Variants in EXOSC4 observed in about 807,000 individuals in gnomAD.
The protein encoded by EXOSC4 is exosome complex component RRP41.
A neutral mutation model predicts 20.0 loss-of-function variants in EXOSC4; 14 were observed. The ratio of observed to expected loss-of-function variants is 0.70; its 90% CI spans 0.46 to 1.09. EXOSC4 has a LOEUF of 1.09. EXOSC4 is among the 50% of genes least tolerant of loss of function. EXOSC4 has a pLI of 0.00. For missense variants in EXOSC4, 337 were observed against 334.0 expected (o/e 1.01, Z -0.07); for synonymous variants, 148 against 146.4 (o/e 1.01, Z -0.08).
At chr8:144,079,727 G>A (rs868995100) in intron 1 of EXOSC4, 7 of 695,698 alleles carry the variant, frequency 1.0e-5, no homozygotes, top group Middle Eastern at 4.6e-4. Context: ...GGGTTGGCAG[G>A]GAATGGGGCA....
the EXOSC4 span, among the ~76,000 whole-genome samples, chr8:144,069,769 T>A: frequency 6.6e-6 from 1 of 152,168 alleles, no homozygotes; most frequent in Non-Finnish European, 1.5e-5. Context: ...CACACATCCA[T>A]CAGCAAAGGA....
At chr8:144,075,251 G>A (rs1196536459), upstream of EXOSC4, among the ~76,000 whole-genome samples, 1 of 147,152 alleles carries the variant, frequency 6.8e-6, no homozygotes, top group Non-Finnish European at 1.5e-5. Flanking sequence ...TTTTGAGACA[G>A]AGTCTCGCTC....
rs1835883899 is a variant in EXOSC4, at chr8:144,080,199, T to G, written c.379-43T>G. The G allele has an allele frequency of 5.0e-6, 8 of 1,608,370 alleles. No individual in the cohort carries two copies. The African/African-American group carries it at 9.4e-5, about 19-fold the overall frequency. On this transcript the variant is annotated intron_variant, in intron 2 of 2. Transcript: ENST00000316052. This position sits in a 1 kb window ranked among gnomAD's most constrained non-coding sequence, Gnocchi z 4.9. ...CAGGGAGGGAAGGGTGTGATGGGGTTGGGGAGGGAGTCTGATAGACTGACA... is the reference window on the plus strand; with the variant it reads ...CAGGGAGGGAAGGGTGTGATGGGGTGGGGGAGGGAGTCTGATAGACTGACA...
chr8:144,071,836 T>C, the EXOSC4 span, among the ~76,000 whole-genome samples: 6 of 151,784 alleles, frequency 4.0e-5, no homozygotes, highest in South Asian at 1.3e-3. Flanking sequence ...AAAAATTATC[T>C]GGGGGTGGTG....
At chr8:144,079,461 G>A (rs1471726965) in intron 1 of EXOSC4, 2 of 326,052 alleles carry the variant, frequency 6.1e-6, no homozygotes, top group Non-Finnish European at 1.2e-5. Context: ...CTTTCCAGGC[G>A]GAGGGAACCA....
chr8:144,080,447 A>T lies in EXOSC4; in HGVS notation c.584A>T (p.Gln195Leu). Residue 195 changes from glutamine to leucine, a missense_variant, in exon 3 of 3, where the codon CAG becomes CTG. By Grantham distance (113) the Gln-to-Leu change is moderately radical. Transcript: ENST00000316052. The surrounding 1 kb of genome is among the most constrained non-coding windows in gnomAD (Gnocchi z 4.9). ...LALALLPASGQIALLEMDARL... is the reference protein window; with the variant it reads ...LALALLPASGLIALLEMDARL... ...CTGGCCCTGCTGCCAGCCTCAGGAC[A>T]GATTGCGCTGCTTGAGATGGATGCC... 1 of 1,609,854 alleles carries T rather than the reference A, an allele frequency of 6.2e-7. No homozygotes were observed. The highest frequency in any genetic ancestry group is 1.3e-5 in the African/African-American group (1 of 75,032).
upstream of EXOSC4, among the ~76,000 whole-genome samples, chr8:144,075,870 A>G (rs192900367): frequency 6.6e-6 from 1 of 152,298 alleles, no homozygotes; most frequent in East Asian, 1.9e-4. Context: ...TTTTCTCACT[A>G]TTCACTTAGT....
the EXOSC4 span, among the ~76,000 whole-genome samples, chr8:144,066,927 A>T: frequency 6.6e-6 from 1 of 152,018 alleles, no homozygotes; most frequent in Non-Finnish European, 1.5e-5. Context: ...GTCTCTATTA[A>T]AAATACAAAA....
At chr8:144,071,542 C>T in the EXOSC4 span, among the ~76,000 whole-genome samples, 1 of 149,004 alleles carries the variant, frequency 6.7e-6, no homozygotes, top group South Asian at 2.1e-4. Flanking sequence ...CCTGACCTCC[C>T]GCCTTGGCCT....
At chr8:144,064,243 G>GCT in the EXOSC4 span, among the ~76,000 whole-genome samples, 1 of 152,250 alleles carries the variant, frequency 6.6e-6, no homozygotes, top group Non-Finnish European at 1.5e-5. Flanking sequence ...GTGTCGTGGG[G>GCT]GAAGGGATAT....
rs1554763339 is a variant in EXOSC4 at position 144,080,446 on chromosome 8, C to G, written c.583C>G (p.Gln195Glu). Residue 195 changes from glutamine (Q) to glutamate (E), a missense_variant, in exon 3 of 3, where the codon CAG becomes GAG. Transcript: ENST00000316052. This position sits in a 1 kb window ranked among gnomAD's most constrained non-coding sequence, Gnocchi z 4.9. ...LALALLPASG[Q>E]IALLEMDARL... Reference sequence around the variant, plus strand: ...CCTGGCCCTGCTGCCAGCCTCAGGACAGATTGCGCTGCTTGAGATGGATGC... The same window carrying G: ...CCTGGCCCTGCTGCCAGCCTCAGGAGAGATTGCGCTGCTTGAGATGGATGC... 6 of 1,609,754 alleles carry G rather than the reference C, an allele frequency of 3.7e-6. No homozygotes were observed. Among genetic ancestry groups the G allele is most frequent in the African/African-American group, 1.3e-5 (1 of 74,934 alleles).
chr8:144,071,334 C>G, the EXOSC4 span, among the ~76,000 whole-genome samples: 3 of 138,956 alleles, frequency 2.2e-5, no homozygotes, highest in African/African-American at 8.2e-5. Context: ...CCTCTCCTCT[C>G]CTTTCCTTTC....
chr8:144,066,436 C>CTTTTT, the EXOSC4 span, among the ~76,000 whole-genome samples: 5 of 98,074 alleles, frequency 5.1e-5, no homozygotes, highest in East Asian at 6.0e-4. Flanking sequence ...GAGTTTTTCT[C>CTTTTT]TTTTTTTTTT....
the EXOSC4 span, among the ~76,000 whole-genome samples, chr8:144,068,308 G>A: frequency 3.9e-5 from 6 of 152,278 alleles, no homozygotes; most frequent in East Asian, 1.9e-4. Context: ...TGGAGGCTAC[G>A]CTTCCCTGCC....
chr8:144,066,859 G>T, the EXOSC4 span, among the ~76,000 whole-genome samples: 1 of 151,980 alleles, frequency 6.6e-6, no homozygotes, highest in African/African-American at 2.4e-5. Context: ...AAGCCGAGGC[G>T]GGCGGATCAC....
chr8:144,077,503 G>A (rs1439848034), upstream of EXOSC4, among the ~76,000 whole-genome samples: 1 of 152,120 alleles, frequency 6.6e-6, no homozygotes, highest in Non-Finnish European at 1.5e-5. Context: ...CCACCTTGGA[G>A]GGGATGCTGT....
the EXOSC4 span, among the ~76,000 whole-genome samples, chr8:144,066,806 G>A: frequency 1.3e-5 from 2 of 152,036 alleles, no homozygotes; most frequent in Admixed American, 6.6e-5. Context: ...AATGAGGCTC[G>A]GCCAGGCGAG....
the EXOSC4 span, among the ~76,000 whole-genome samples, chr8:144,073,139 A>C: frequency 6.6e-6 from 1 of 152,126 alleles, no homozygotes; most frequent in Non-Finnish European, 1.5e-5. Flanking sequence ...TCATCCCAGC[A>C]CTTTGGGAGG....
chr8:144,068,541 G>A, the EXOSC4 span, among the ~76,000 whole-genome samples: 148 of 152,144 alleles, frequency 9.7e-4, no homozygotes, highest in Non-Finnish European at 1.9e-3. Flanking sequence ...TGTGTTCTCC[G>A]GGCCTCCACC....
Sources: allele counts gnomAD v4.1 joint callset (sites outside exome capture counted in the v4.1 genomes callset), GRCh38; gene constraint gnomAD v4.1.1; non-coding constraint Gnocchi (gnomAD v3.1); transcripts MANE v1.5; gene names NCBI Gene and HGNC (gene_info 2026-07-23, HGNC 2026-07-21).